Variants in PDK1 observed in about 807,000 individuals in gnomAD.
PDK1 encodes the protein pyruvate dehydrogenase kinase 1.
In PDK1, 39 loss-of-function variants were observed where a neutral mutation model predicts 54.2. That is an observed-to-expected ratio of 0.72 (90% CI 0.56 to 0.94). PDK1 has a LOEUF of 0.94. Among genes scored for constraint, PDK1 ranks in the 40% least tolerant of loss-of-function variants. The probability of loss-of-function intolerance (pLI) is 0.00; values close to 1 mark genes in which losing one functional copy is unlikely to be tolerated. For synonymous variants in PDK1, 221 were observed against 207.1 expected (o/e 1.07, Z -0.58); for missense variants, 552 against 566.0 (o/e 0.98, Z 0.25).
the PDK1 span, among the ~76,000 whole-genome samples, chr2:172,664,621 A>G: frequency 1.3e-5 from 2 of 151,982 alleles, no homozygotes; most frequent in African/African-American, 4.8e-5. Flanking sequence ...GCTCTGTCTC[A>G]TTGTTCTGTT....
the PDK1 span, among the ~76,000 whole-genome samples, chr2:172,646,097 TG>T: frequency 1.3e-5 from 2 of 152,220 alleles, no homozygotes. Flanking sequence ...CTGCCCCAAC[TG>T]GATTATTATA....
At chr2:172,573,575 ATG>A (rs1239580520) in intron 8 of PDK1, among the ~76,000 whole-genome samples, 4 of 151,314 alleles carry the variant, frequency 2.6e-5, no homozygotes, top group Non-Finnish European at 5.9e-5. Flanking sequence ...ATATACATAT[ATG>A]TGTGTGTATA....
the PDK1 span, among the ~76,000 whole-genome samples, chr2:172,653,464 A>G: frequency 3.3e-5 from 5 of 152,100 alleles, no homozygotes; most frequent in Non-Finnish European, 5.9e-5. Context: ...TCAGCCGGGC[A>G]TGGTCGTGGG....
In PDK1 at chr2:172,597,452, A is replaced by G. The variant is rs1225847489; in HGVS notation, c.*1483A>G. The G allele has an allele frequency of 6.6e-6, 1 of 152,356 alleles. No individual in the cohort carries two copies. The highest frequency in any genetic ancestry group is 1.9e-4 in the East Asian group (1 of 5,190). The allele number at this position is 152,356 out of a possible 1,614,324, so 9.4% of individuals were successfully genotyped here. ...CAACATATATTTTCTAAAACTATCC[A>G]GATTTCATTATCAGGGAAAAGTTTG... is the stretch of plus-strand genomic sequence containing the variant. On this transcript the variant is annotated 3_prime_UTR_variant, in exon 11 of 11. Coordinates refer to ENST00000282077, the MANE Select transcript of PDK1 (RefSeq NM_002610.5).
At position 172,606,807 on chromosome 2, in the gene PDK1, A is replaced by G. The variant is rs1022662102; in HGVS notation, c.*10838A>G. 2.0e-5 allele frequency: 3 copies of G among 151,710 alleles called. No homozygotes were observed. Among genetic ancestry groups the G allele is most frequent in the African/African-American group, 7.3e-5 (3 of 41,298 alleles). The allele number at this position is 151,710 out of a possible 1,614,324, so 9.4% of individuals were successfully genotyped here. On this transcript the variant is annotated 3_prime_UTR_variant, in exon 11 of 11. Coordinates refer to ENST00000282077, the MANE Select transcript of PDK1 (RefSeq NM_002610.5). ...CTACAACTAACCATTTTAAAGTGTA[A>G]TTCAGTGTCATTCAGTACATCCACA...
At chr2:172,642,786 C>CTCTCCTCCTCCT in the PDK1 span, among the ~76,000 whole-genome samples, 1 of 64,466 alleles carries the variant, frequency 1.6e-5, no homozygotes. Context: ...CTCCTCCTCC[C>CTCTCCTCCTCCT]ACTCCTCCTC....
At chr2:172,585,782 G>C (rs2149274259) in intron 8 of PDK1, among the ~76,000 whole-genome samples, 1 of 152,232 alleles carries the variant, frequency 6.6e-6, no homozygotes, top group East Asian at 1.9e-4. Flanking sequence ...TTATGTATTA[G>C]AGTTTCACAT....
At chr2:172,716,105 G>A in the PDK1 span, among the ~76,000 whole-genome samples, 12 of 152,262 alleles carry the variant, frequency 7.9e-5, no homozygotes, top group South Asian at 2.3e-3. Context: ...TAGCAAAAAT[G>A]AACAAAGTTG....
At chr2:172,682,965 A>T in the PDK1 span, among the ~76,000 whole-genome samples, 1 of 152,166 alleles carries the variant, frequency 6.6e-6, no homozygotes, top group South Asian at 2.1e-4. Flanking sequence ...TTTTGTGCTG[A>T]TACCTTATAA....
downstream of PDK1, among the ~76,000 whole-genome samples, chr2:172,609,522 C>G (rs1382525573): frequency 6.6e-6 from 1 of 152,138 alleles, no homozygotes; most frequent in East Asian, 1.9e-4. Context: ...GCTGCAGGCA[C>G]AAAGCTATCC....
At chr2:172,660,105 AG>A in the PDK1 span, among the ~76,000 whole-genome samples, 1 of 152,058 alleles carries the variant, frequency 6.6e-6, no homozygotes, top group African/African-American at 2.4e-5. Flanking sequence ...AGAGCAAGAG[AG>A]GGACTGACCC....
At chr2:172,648,387 G>A in the PDK1 span, among the ~76,000 whole-genome samples, 1 of 152,196 alleles carries the variant, frequency 6.6e-6, no homozygotes, top group East Asian at 1.9e-4. Flanking sequence ...GAGGTTCCAA[G>A]ATGGCCGAAT....
At chr2:172,567,952 G>A (rs909843396) in intron 6 of PDK1, among the ~76,000 whole-genome samples, 1 of 152,204 alleles carries the variant, frequency 6.6e-6, no homozygotes, top group Non-Finnish European at 1.5e-5. Context: ...ATTGATGCTA[G>A]CTCATATTTT....
chr2:172,690,984 T>TAAG, the PDK1 span, among the ~76,000 whole-genome samples: 1 of 150,266 alleles, frequency 6.7e-6, no homozygotes, highest in African/African-American at 2.4e-5. Context: ...ACCCTAGATC[T>TAAG]TAAAGTATAA....
At chr2:172,685,872 AT>A in the PDK1 span, among the ~76,000 whole-genome samples, 1 of 152,202 alleles carries the variant, frequency 6.6e-6, no homozygotes, top group Admixed American at 6.5e-5. Flanking sequence ...GCTCAAAAAA[AT>A]CTTCGTTGTC....
At chr2:172,700,357 T>C in the PDK1 span, among the ~76,000 whole-genome samples, 425 of 98,778 alleles carry the variant, frequency 4.3e-3, no homozygotes, top group African/African-American at 0.01. Flanking sequence ...CCCCACCTCC[T>C]GGACGGGGTG....
the PDK1 span, among the ~76,000 whole-genome samples, chr2:172,632,796 A>G: frequency 6.6e-6 from 1 of 151,870 alleles, no homozygotes; most frequent in Non-Finnish European, 1.5e-5. Flanking sequence ...CCTGGCCAAC[A>G]TGGTGAAAAC....
At chr2:172,668,480 A>C in the PDK1 span, among the ~76,000 whole-genome samples, 1 of 151,734 alleles carries the variant, frequency 6.6e-6, no homozygotes, top group African/African-American at 2.4e-5. Context: ...TTTATGATTT[A>C]ATTTTGAACT....
intron 8 of PDK1, among the ~76,000 whole-genome samples, chr2:172,582,352 C>G (rs1025737749): frequency 6.6e-6 from 1 of 152,192 alleles, no homozygotes; most frequent in Non-Finnish European, 1.5e-5. Flanking sequence ...GGCTTTAGAG[C>G]TGTCATCTAG....
Sources: allele counts gnomAD v4.1 joint callset (sites outside exome capture counted in the v4.1 genomes callset), GRCh38; gene constraint gnomAD v4.1.1; transcripts MANE v1.5; gene names NCBI Gene and HGNC (gene_info 2026-07-23, HGNC 2026-07-21).